The following GCN1 variants were observed in gnomAD, a reference collection of about 807,000 sequenced individuals.
GCN1 encodes the protein stalled ribosome sensor GCN1.
In GCN1, 90 loss-of-function variants were observed where a neutral mutation model predicts 288.4. That is an observed-to-expected ratio of 0.31 (90% CI 0.26 to 0.37). The LOEUF (loss-of-function observed/expected upper bound fraction) is 0.37. GCN1 is among the 10% of genes least tolerant of loss of function. The probability of loss-of-function intolerance (pLI) is 1.00; values close to 1 mark genes in which losing one functional copy is unlikely to be tolerated. For missense variants in GCN1, 2,586 were observed against 3,419.9 expected (o/e 0.76, Z 6.08); for synonymous variants, 1,386 against 1,420.2 (o/e 0.98, Z 0.54).
Position 120,151,351 on chromosome 12 carries a change from G to T in GCN1, c.4103C>A (p.Pro1368Gln). Residue 1368 changes from proline to glutamine, a missense_variant, in exon 34 of 58, where the codon CCA becomes CAA. By Grantham distance (76) the Pro-to-Gln change is moderately conservative (BLOSUM62 -1). Around this residue, in one of 8 missense-constraint regions of GCN1, gnomAD observed 332 missense variants for 403.0 expected, o/e 0.82. Coordinates refer to ENST00000300648, the MANE Select transcript of GCN1 (RefSeq NM_006836.2). ...SVASCLPPLVPAIKEDAGGMI... is the reference protein window; with the variant it reads ...SVASCLPPLVQAIKEDAGGMI... Reference sequence around the variant, plus strand: ...CCCTCCAGCATCCTCCTTGATGGCTGGCACAAGGGGTGGCAAGCAGCTGGC... The same window carrying T: ...CCCTCCAGCATCCTCCTTGATGGCTTGCACAAGGGGTGGCAAGCAGCTGGC... 6.2e-7 allele frequency: 1 copy of T among 1,613,830 alleles called. No individual in the cohort carries two copies. Among genetic ancestry groups the T allele is most frequent in the Non-Finnish European group, 8.5e-7 (1 of 1,179,836 alleles).
intron 17 of GCN1, 21 bp downstream of exon 17, chr12:120,164,625 A>C (rs1180746906): frequency 6.2e-7 from 1 of 1,609,938 alleles, no homozygotes; most frequent in South Asian, 1.1e-5. Flanking sequence ...CCAAAAGAAA[A>C]GGTAAGCCAG....
intron 15 of GCN1, among the ~76,000 whole-genome samples, 162 bp downstream of exon 15, chr12:120,170,007 C>A (rs527762132): frequency 1.3e-5 from 2 of 152,222 alleles, no homozygotes; most frequent in Non-Finnish European, 2.9e-5. Context: ...TGCATTCCCA[C>A]TGCCCATGCA....
intron 16 of GCN1, among the ~76,000 whole-genome samples, chr12:120,166,235 T>A (rs1023417498): frequency 6.6e-6 from 1 of 151,720 alleles, no homozygotes; most frequent in African/African-American, 2.4e-5. Flanking sequence ...AAACCCCGTC[T>A]GTACTAAAAA....
intron 26 of GCN1, 30 bp downstream of exon 26, chr12:120,157,819 C>T (rs1302297674): frequency 1.3e-6 from 2 of 1,594,628 alleles, no homozygotes; most frequent in Admixed American, 3.4e-5. Flanking sequence ...CCCCTTTAAA[C>T]CAAGAGGAGA....
chr12:120,194,637 A>C (rs1199168186), intron 1 of GCN1, 43 bp downstream of exon 1: 1 of 1,506,074 alleles, frequency 6.6e-7, no homozygotes, highest in Non-Finnish European at 8.8e-7. Flanking sequence ...CACCGTCCGC[A>C]CCCAGTCCCT....
At chr12:120,168,925 T>C (rs1878219644) in intron 15 of GCN1, among the ~76,000 whole-genome samples, 1 of 152,136 alleles carries the variant, frequency 6.6e-6, no homozygotes, top group Non-Finnish European at 1.5e-5. Context: ...CGATATTACA[T>C]GAGGAGAGCT....
chr12:120,179,300 G>A (rs1011709635), intron 5 of GCN1, among the ~76,000 whole-genome samples: 8 of 150,308 alleles, frequency 5.3e-5, no homozygotes, highest in African/African-American at 1.7e-4. Flanking sequence ...GCACAATCTC[G>A]GCTCACTGCA....
chr12:120,190,228 A>C, intron 2 of GCN1, 70 bp downstream of exon 2: 1 of 681,642 alleles, frequency 1.5e-6, no homozygotes, highest in African/African-American at 1.8e-5. Context: ...CTGTCTCAAA[A>C]AAAAAAAAAA....
chr12:120,179,234 C>T (rs1257335596), intron 5 of GCN1, among the ~76,000 whole-genome samples: 1 of 151,898 alleles, frequency 6.6e-6, no homozygotes, highest in Non-Finnish European at 1.5e-5. Context: ...AGACATGGTC[C>T]CTGCTTTTTT....
chr12:120,178,561 C>G, intron 7 of GCN1, 64 bp downstream of exon 7: 1 of 1,564,668 alleles, frequency 6.4e-7, no homozygotes, highest in Non-Finnish European at 8.8e-7. Flanking sequence ...CCATTCCTTC[C>G]CTCCAGCGAG....
At chr12:120,159,763 C>A in intron 24 of GCN1, 62 bp downstream of exon 24, 2 of 1,440,818 alleles carry the variant, frequency 1.4e-6, no homozygotes, top group Non-Finnish European at 2.0e-6. Flanking sequence ...CAGGGGCACA[C>A]CCTGTCCAAG....
rs1317413569 is a variant in GCN1, at chr12:120,184,833, T to C, written c.176A>G (p.His59Arg). ...GLCKLFCLTL[H>R]RYRDAASRRA... ...TTTGGCTGGGACTCACCTATATCGA[T>C]GCAGAGTCAAGCAGAACAATTTGCA... is the stretch of plus-strand genomic sequence containing the variant. Residue 59 changes from histidine (H) to arginine (R), a missense_variant, in exon 3 of 58, where the codon CAT becomes CGT. Physicochemically the swap from His to Arg is conservative, Grantham distance 29. Coordinates refer to ENST00000300648, the MANE Select transcript of GCN1 (RefSeq NM_006836.2). 6.2e-7 allele frequency: 1 copy of C among 1,609,980 alleles called. No individual in the cohort carries two copies. The highest frequency in any genetic ancestry group is 1.1e-5 in the South Asian group (1 of 91,008).
chr12:120,170,203 C>G lies in GCN1; in HGVS notation c.1485G>C (p.Leu495Phe), dbSNP rs1461268498. Residue 495 changes from leucine to phenylalanine, a missense_variant, in exon 15 of 58, where the codon TTG becomes TTC. This residue lies in a region of GCN1 where 913 missense variants were observed against 1,107.0 expected (regional missense o/e 0.82). Transcript: ENST00000300648. ...AGTCAGCCACTGACAACTTTAAGAG[C>G]AACAAGGCTGCGGCAACCCCTTCAG... ...TITEGVAAALLLLKLSVADSQ... is the reference protein window; with the variant it reads ...TITEGVAAALFLLKLSVADSQ... The G allele has an allele frequency of 6.2e-7, 1 of 1,614,182 alleles. No homozygotes were observed. Among genetic ancestry groups the G allele is most frequent in the South Asian group, 1.1e-5 (1 of 91,092 alleles).
At chr12:120,193,296 G>A (rs979196255) in intron 1 of GCN1, among the ~76,000 whole-genome samples, 1 of 152,170 alleles carries the variant, frequency 6.6e-6, no homozygotes, top group African/African-American at 2.4e-5. Context: ...GCTGGTACAA[G>A]TGAAGAACTA....
intron 42 of GCN1, among the ~76,000 whole-genome samples, 156 bp from the exon 43 acceptor site, chr12:120,143,097 G>A (rs770312786): frequency 2.0e-5 from 3 of 152,150 alleles, no homozygotes; most frequent in Non-Finnish European, 2.9e-5. Flanking sequence ...CTTTACACTC[G>A]CCCACATATT....
At chr12:120,135,453 T>C (rs575070114) in intron 51 of GCN1, among the ~76,000 whole-genome samples, 2 of 151,816 alleles carry the variant, frequency 1.3e-5, no homozygotes, top group East Asian at 3.9e-4. Flanking sequence ...AACCTCCGCC[T>C]CCCGGGTTTA....
At chr12:120,141,732 C>A (rs1048315780) in intron 44 of GCN1, among the ~76,000 whole-genome samples, 1 of 152,194 alleles carries the variant, frequency 6.6e-6, no homozygotes, top group Non-Finnish European at 1.5e-5. Context: ...TGGTCTTTCG[C>A]CACCTCCTCA....
At chr12:120,166,088 C>A (rs1172813350) in intron 16 of GCN1, among the ~76,000 whole-genome samples, 2 of 151,682 alleles carry the variant, frequency 1.3e-5, no homozygotes, top group African/African-American at 4.8e-5. Context: ...GTGTCCGGCC[C>A]CAGCCTATTT....
intron 20 of GCN1, chr12:120,162,299 C>CCGTG: frequency 1.9e-6 from 1 of 539,474 alleles, no homozygotes; most frequent in African/African-American, 1.9e-5. Context: ...TTCTCAATCT[C>CCGTG]CGTGGTTCAG....
Sources: gnomAD v4.1 joint callset for allele counts (sites outside exome capture counted in the v4.1 genomes callset) on GRCh38, gnomAD v4.1.1 for gene constraint, gnomAD v4.1.1 regional missense constraint, MANE v1.5 for transcripts, NCBI Gene and HGNC (gene_info 2026-07-23, HGNC 2026-07-21) for gene names.